The following CPNE9 variants were observed in gnomAD, a reference collection of about 807,000 sequenced individuals.
CPNE9 encodes copine-9.
Under a neutral mutation model 83.0 loss-of-function variants are expected in CPNE9, and 59 were observed. That is an observed-to-expected ratio of 0.71 (90% CI 0.58 to 0.88). CPNE9 has a LOEUF of 0.88. Among genes scored for constraint, CPNE9 ranks in the 40% least tolerant of loss-of-function variants. The probability of loss-of-function intolerance (pLI) is 0.00; values close to 1 mark genes in which losing one functional copy is unlikely to be tolerated. For missense variants in CPNE9, 619 were observed against 720.8 expected (o/e 0.86, Z 1.62); for synonymous variants, 256 against 273.4 (o/e 0.94, Z 0.63).
At position 9,704,925 on chromosome 3, in the gene CPNE9, A is replaced by G; in HGVS notation, c.191A>G (p.Asn64Ser). Residue 64 changes from asparagine (N) to serine (S), a missense_variant, in exon 4 of 21, where the codon AAC becomes AGC. By Grantham distance (46) the Asn-to-Ser change is conservative (BLOSUM62 1). Transcript: ENST00000383832. The surrounding 1 kb of genome is among the most constrained non-coding windows in gnomAD (Gnocchi z 7.1). ...ACCGAGGTGATTGATAACACGCTGA[A>G]CCCAGACTTCGTGCGCAAATTCGTC... ...GRTEVIDNTL[N>S]PDFVRKFVLD... The G allele has an allele frequency of 1.2e-6, 2 of 1,613,444 alleles. No individual in the cohort carries two copies. The highest frequency in any genetic ancestry group is 1.1e-5 in the South Asian group (1 of 91,036).
chr3:9,727,019 CT>C, intron 19 of CPNE9, 93 bp from the exon 20 acceptor site: 1 of 1,275,414 alleles, frequency 7.8e-7, no homozygotes, highest in Non-Finnish European at 1.1e-6. Context: ...ATTAGGCATT[CT>C]CCTGATGACT....
intron 10 of CPNE9, among the ~76,000 whole-genome samples, chr3:9,714,661 A>C (rs1373920906): frequency 4.2e-5 from 6 of 142,410 alleles, no homozygotes; most frequent in Non-Finnish European, 9.3e-5. Context: ...AAAAAAAAAA[A>C]AAAAAAACCA....
At position 9,725,977 on chromosome 3, in the gene CPNE9, C is replaced by T. The variant is rs2076781032; in HGVS notation, c.1270C>T (p.Gln424Ter). 1 of 1,613,468 alleles carries T rather than the reference C, an allele frequency of 6.2e-7. No homozygotes were observed. The highest frequency in any genetic ancestry group is 1.3e-5 in the African/African-American group (1 of 74,850). ...TGCAGCCAAGATCTCTGATGGCTCC[C>T]AGTACTATGTTCTGCTCATCATCAC... ...RAAAKISDGS[Q>*]YYVLLIITDG... The change falls in exon 18 of 21, where the codon CAG becomes TAG. Residue 424 changes from glutamine (Q) to a stop codon, truncating the protein, a stop_gained. Transcript: ENST00000383832. LOFTEE classifies it high-confidence loss of function.
rs768494668 is a variant in CPNE9 at position 9,717,113 on chromosome 3, C to G, written c.931+9C>G. The G allele has an allele frequency of 6.2e-7, 1 of 1,614,024 alleles. No homozygotes were observed. The highest frequency in any genetic ancestry group is 8.5e-7 in the Non-Finnish European group (1 of 1,179,916). ...CTTCACGGCTTCCAATGGTGAGACA[C>G]GGATGAGTGAAAAAGTCGGAGGTGG... is the stretch of plus-strand genomic sequence containing the variant. On this transcript the variant is annotated intron_variant, in intron 15 of 20. Transcript: ENST00000383832.
intron 17 of CPNE9, among the ~76,000 whole-genome samples, chr3:9,724,965 C>T (rs1484640035): frequency 6.6e-6 from 1 of 151,992 alleles, no homozygotes; most frequent in East Asian, 2.0e-4. Flanking sequence ...CCATATTGGC[C>T]AGGCTGGTCT....
chr3:9,704,018 G>C lies in CPNE9; in HGVS notation c.22G>C (p.Glu8Gln). Reference protein sequence around the residue: MSLGGASERSVPATKIEI... With the variant: MSLGGASQRSVPATKIEI... ...AGCCATGTCTCTCGGCGGAGCCTCC[G>C]AGCGCAGCGTCCCGGCCACCAAGAT... Residue 8 changes from glutamate (E) to glutamine (Q), a missense_variant, in exon 1 of 21, where the codon GAG becomes CAG. Glu to Gln is a conservative substitution (Grantham distance 29). Coordinates refer to ENST00000383832, the MANE Select transcript of CPNE9 (RefSeq NM_153635.3). The surrounding 1 kb of genome is among the most constrained non-coding windows in gnomAD (Gnocchi z 7.1). 6.2e-7 allele frequency: 1 copy of C among 1,607,608 alleles called. No individual in the cohort carries two copies. The highest frequency in any genetic ancestry group is 1.1e-5 in the South Asian group (1 of 90,102).
rs773062634 is a variant in CPNE9 at position 9,718,021 on chromosome 3, C to T, written c.932-8C>T. 1 of 1,596,204 alleles carries T rather than the reference C, an allele frequency of 6.3e-7. No individual in the cohort carries two copies. The highest frequency in any genetic ancestry group is 8.5e-7 in the Non-Finnish European group (1 of 1,170,536). On this transcript the variant is annotated splice_polypyrimidine_tract_variant and splice_region_variant and intron_variant, in intron 15 of 20. Transcript: ENST00000383832. ...GATCATGAGGCTGGGGTTCCTGTGT[C>T]CCTACAGGGAATCCTCTGCAGCCTA...
Position 9,704,671 on chromosome 3 carries a change from G to A in CPNE9, c.109+44G>A, listed in dbSNP as rs554787788. The A allele has an allele frequency of 4.8e-5, 78 of 1,611,292 alleles. 1 individual carries two copies. The East Asian group carries it at 8.0e-4, about 17-fold the overall frequency. ...GGGAGGGGGAACTTGGGGTCTGGGC[G>A]CGACTCAGGGGCGGGTGGAGTCGGG... On this transcript the variant is annotated intron_variant, in intron 2 of 20. Transcript: ENST00000383832. The surrounding 1 kb of genome is among the most constrained non-coding windows in gnomAD (Gnocchi z 7.1).
intron 13 of CPNE9, among the ~76,000 whole-genome samples, 156 bp from the exon 14 acceptor site, chr3:9,715,816 CCT>C (rs1260455562): frequency 6.6e-6 from 1 of 152,198 alleles, no homozygotes; most frequent in Non-Finnish European, 1.5e-5. Flanking sequence ...CCCCTTTTCC[CCT>C]GTCAGAAGTT....
chr3:9,714,837 G>T (rs879420660), intron 10 of CPNE9, 77 bp from the exon 11 acceptor site: 20 of 1,207,274 alleles, frequency 1.7e-5, no homozygotes, highest in Non-Finnish European at 2.4e-5. Flanking sequence ...GAGATGATAT[G>T]TGTGTGGTTA....
intron 7 of CPNE9, among the ~76,000 whole-genome samples, chr3:9,710,470 G>C (rs1455429120): frequency 6.6e-6 from 1 of 152,182 alleles, no homozygotes; most frequent in East Asian, 1.9e-4. Flanking sequence ...ATGAGGATGG[G>C]GGAGGAGGCT....
At chr3:9,721,345 TC>T (rs2076732136) in intron 17 of CPNE9, among the ~76,000 whole-genome samples, 1 of 152,270 alleles carries the variant, frequency 6.6e-6, no homozygotes, top group Non-Finnish European at 1.5e-5. Context: ...CTTTGAAGTT[TC>T]CGTATTTCAT....
At chr3:9,712,303 T>A (rs1169959741) in intron 7 of CPNE9, among the ~76,000 whole-genome samples, 1 of 152,178 alleles carries the variant, frequency 6.6e-6, no homozygotes, top group Non-Finnish European at 1.5e-5. Flanking sequence ...CTAAATCCCA[T>A]GTCTTTCTCA....
intron 13 of CPNE9, 147 bp from the exon 14 acceptor site, chr3:9,715,827 T>C (rs3914774): frequency 0.29 from 192,347 of 672,108 alleles, 30,423 homozygotes; most frequent in East Asian, 0.48. Context: ...CTGTCAGAAG[T>C]TGAACAGGGT....
At chr3:9,727,328 C>A in intron 20 of CPNE9, 142 bp downstream of exon 20, 1 of 940,854 alleles carries the variant, frequency 1.1e-6, no homozygotes, top group Non-Finnish European at 1.7e-6. Context: ...TCATTGAATA[C>A]ATCCTTTTTG....
rs186183654 is a variant in CPNE9 at position 9,726,367 on chromosome 3, T to C, written c.1345-298T>C. Among the ~76,000 whole-genome samples the C allele has an allele frequency of 1.7e-3, 263 of 152,294 alleles. 3 individuals are homozygous for C. The highest frequency in any genetic ancestry group is 9.8e-3 in the Admixed American group (150 of 15,304). On this transcript the variant is annotated intron_variant, in intron 18 of 20. Coordinates refer to ENST00000383832, the MANE Select transcript of CPNE9 (RefSeq NM_153635.3). ...GAGCTTAGGGAACTTGAGTCTTTTA[T>C]AATGGACAGTAAGCATGCTTGCCTT...
intron 7 of CPNE9, among the ~76,000 whole-genome samples, chr3:9,707,804 A>C (rs960297201): frequency 5.3e-5 from 8 of 151,754 alleles, no homozygotes; most frequent in Admixed American, 1.3e-4. Context: ...AAAAAAAAAA[A>C]AAAACGTGAA....
At chr3:9,722,007 C>T (rs1245020897) in intron 17 of CPNE9, among the ~76,000 whole-genome samples, 2 of 151,856 alleles carry the variant, frequency 1.3e-5, no homozygotes, top group Non-Finnish European at 2.9e-5. Flanking sequence ...CAACCTCTGC[C>T]CCTGGGTTCA....
At chr3:9,716,140 T>A (rs753494030) in intron 14 of CPNE9, 105 bp downstream of exon 14, 1 of 991,332 alleles carries the variant, frequency 1.0e-6, no homozygotes, top group Non-Finnish European at 1.5e-6. Flanking sequence ...AGTGAGACCA[T>A]GGAGATAAAC....
Sources: gnomAD v4.1 joint callset for allele counts (sites outside exome capture counted in the v4.1 genomes callset) on GRCh38, gnomAD v4.1.1 for gene constraint, Gnocchi (gnomAD v3.1) non-coding constraint, MANE v1.5 for transcripts, NCBI Gene and HGNC (gene_info 2026-07-23, HGNC 2026-07-21) for gene names.